DTX2: variants seen among roughly 807,000 people sequenced by gnomAD.
DTX2 encodes the protein deltex E3 ubiquitin ligase 2.
Under a neutral mutation model 55.3 loss-of-function variants are expected in DTX2, and 29 were observed. The observed-to-expected ratio is 0.52, with a 90% confidence interval of 0.39 to 0.71. The LOEUF (loss-of-function observed/expected upper bound fraction) is 0.71. Ranked by LOEUF, DTX2 falls within the 30% of genes least tolerant of loss-of-function variation. DTX2 has a pLI of 0.00. For missense variants in DTX2, 537 were observed against 822.5 expected, an observed-to-expected ratio of 0.65 and a Z score of 4.25; for synonymous variants, 276 against 340.4, an observed-to-expected ratio of 0.81 and a Z score of 2.08.
At chr7:76,503,037 T>C (rs1584254648) in intron 8 of DTX2, 1 of 260,312 alleles carries the variant, frequency 3.8e-6, no homozygotes, top group East Asian at 8.6e-5. Flanking sequence ...AACCGAGTCA[T>C]GTGGCGCATC....
chr7:76,483,052 T>G lies in DTX2; in HGVS notation c.813T>G (p.Pro271=). 6.2e-7 allele frequency: 1 copy of G among 1,613,326 alleles called. No individual in the cohort carries two copies. The highest frequency in any genetic ancestry group is 1.1e-5 in the South Asian group (1 of 91,040). Residue 271 remains proline, a synonymous_variant, in exon 4 of 11, where the codon CCT becomes CCG. Coordinates refer to ENST00000430490, the MANE Select transcript of DTX2 (RefSeq NM_001102594.3). The part of the protein sequence containing the change: ...LNTTNAWGAA[P]PSLGSQPLYR... ...CCACCAACGCCTGGGGCGCAGCTCC[T>G]CCTTCCCTGGGGAGCCAGCCCCTCT...
At chr7:76,464,987 G>A (rs1351914404) in intron 2 of DTX2, among the ~76,000 whole-genome samples, 1 of 150,574 alleles carries the variant, frequency 6.6e-6, no homozygotes, top group Non-Finnish European at 1.5e-5. Context: ...ACCCAGGCTG[G>A]AGAGCGGTGG....
At chr7:76,471,319 G>A (rs1263349193) in intron 2 of DTX2, among the ~76,000 whole-genome samples, 17 of 147,634 alleles carry the variant, frequency 1.2e-4, no homozygotes, top group Non-Finnish European at 1.5e-4. Flanking sequence ...CCGCCACCGC[G>A]CCCGGCTAAT....
chr7:76,465,077 T>TA (rs1261880837), intron 2 of DTX2, among the ~76,000 whole-genome samples: 1 of 150,260 alleles, frequency 6.7e-6, no homozygotes, highest in African/African-American at 2.5e-5. Flanking sequence ...TAGCTGGACT[T>TA]ACAGGTGCAC....
chr7:76,479,788 A>G (rs1482629112), intron 2 of DTX2, among the ~76,000 whole-genome samples: 2 of 151,068 alleles, frequency 1.3e-5, no homozygotes, highest in Non-Finnish European at 2.9e-5. Context: ...AAAAAAAAAT[A>G]CATGCATGAT....
At chr7:76,493,974 T>G (rs1810655696) in intron 5 of DTX2, among the ~76,000 whole-genome samples, 1 of 110,390 alleles carries the variant, frequency 9.1e-6, no homozygotes, top group South Asian at 3.7e-4. Flanking sequence ...CTCGGAGAAT[T>G]TAAAAATTCT....
At chr7:76,491,053 G>A (rs150414605) in intron 4 of DTX2, among the ~76,000 whole-genome samples, 10,157 of 132,142 alleles carry the variant, frequency 0.077, 772 homozygotes, top group African/African-American at 0.2. Flanking sequence ...CTGGAGTGCA[G>A]TGGTGCAATC....
intron 2 of DTX2, among the ~76,000 whole-genome samples, chr7:76,474,068 T>C (rs1808252540): frequency 6.7e-6 from 1 of 150,306 alleles, no homozygotes; most frequent in Non-Finnish European, 1.5e-5. Flanking sequence ...ATTACAGGCA[T>C]GTGCCACCAC....
intron 4 of DTX2, among the ~76,000 whole-genome samples, chr7:76,486,936 C>G (rs1241245856): frequency 1.7e-4 from 25 of 147,488 alleles, no homozygotes; most frequent in Middle Eastern, 3.6e-3. Context: ...TGCCACCTGT[C>G]TTTTGGCTTG....
At chr7:76,467,055 C>T (rs1469101904) in intron 2 of DTX2, among the ~76,000 whole-genome samples, 3 of 151,984 alleles carry the variant, frequency 2.0e-5, no homozygotes, top group Non-Finnish European at 4.4e-5. Flanking sequence ...CACAGGCTAC[C>T]ATGCTTAGCT....
chr7:76,490,334 C>T (rs141762993), intron 4 of DTX2, among the ~76,000 whole-genome samples: 7,064 of 60,628 alleles, frequency 0.12, 1,104 homozygotes, highest in African/African-American at 0.3. Flanking sequence ...CCTCACCCCC[C>T]CAAAAAAAGA....
chr7:76,484,347 G>A (rs1809668186), intron 4 of DTX2, among the ~76,000 whole-genome samples: 1 of 99,984 alleles, frequency 1.0e-5, no homozygotes, highest in East Asian at 2.6e-4. Context: ...CTCCATCTCG[G>A]GGGAAAAAAA....
chr7:76,468,028 T>C (rs2116151285), intron 2 of DTX2, among the ~76,000 whole-genome samples: 2 of 152,328 alleles, frequency 1.3e-5, no homozygotes, highest in African/African-American at 4.8e-5. Flanking sequence ...AAGGGAATAT[T>C]GAAGCCATGG....
intron 2 of DTX2, among the ~76,000 whole-genome samples, chr7:76,471,294 C>G (rs1446102559): frequency 6.8e-6 from 1 of 146,378 alleles, no homozygotes; most frequent in East Asian, 2.2e-4. Context: ...CCCTAGTAGC[C>G]GGGACTACAG....
At chr7:76,482,053 A>G (rs1055859491) in intron 3 of DTX2, among the ~76,000 whole-genome samples, 4 of 152,182 alleles carry the variant, frequency 2.6e-5, no homozygotes, top group African/African-American at 9.7e-5. Flanking sequence ...TGTGGCTGTC[A>G]GTCAGCTCCC....
intron 2 of DTX2, among the ~76,000 whole-genome samples, chr7:76,472,775 T>C (rs1184960415): frequency 2.6e-5 from 4 of 152,040 alleles, no homozygotes; most frequent in Admixed American, 6.5e-5. Flanking sequence ...AAAAAGGTCT[T>C]CTATCGTTTC....
chr7:76,498,276 G>C (rs1811154037), intron 6 of DTX2, among the ~76,000 whole-genome samples: 1 of 148,664 alleles, frequency 6.7e-6, no homozygotes, highest in Non-Finnish European at 1.5e-5. Context: ...CATGCGGCAA[G>C]GGTGGCTTCC....
At chr7:76,499,564 G>A (rs1296702392) in intron 6 of DTX2, among the ~76,000 whole-genome samples, 2 of 150,418 alleles carry the variant, frequency 1.3e-5, no homozygotes, top group East Asian at 2.0e-4. Context: ...TGACCTTGGG[G>A]TGGAGCCCCT....
In DTX2 at chr7:76,469,076, T is replaced by C. The variant is rs1292600902; in HGVS notation, c.-90+5367T>C. Reference sequence around the variant, plus strand: ...TACCGCATTCAGCCCCACTGCCTGATTTTGTTCATAAAGTTATATTGGTAT... The same window carrying C: ...TACCGCATTCAGCCCCACTGCCTGACTTTGTTCATAAAGTTATATTGGTAT... On this transcript the variant is annotated intron_variant, in intron 2 of 10. Coordinates refer to ENST00000430490, the MANE Select transcript of DTX2 (RefSeq NM_001102594.3). 2.9e-5 allele frequency among the ~76,000 whole-genome samples: 4 copies of C among 136,076 alleles called. No individual in the cohort carries two copies. The Admixed American group carries it at 3.1e-4, about 10-fold the overall frequency. 89.3% of individuals were successfully genotyped at this position (136,076 alleles called of 152,430 possible).
Sources: gnomAD v4.1 joint callset for allele counts (sites outside exome capture counted in the v4.1 genomes callset) on GRCh38, gnomAD v4.1.1 for gene constraint, MANE v1.5 for transcripts, NCBI Gene and HGNC (gene_info 2026-07-23, HGNC 2026-07-21) for gene names.